CD47: variants seen among roughly 807,000 people sequenced by gnomAD.
CD47 encodes leukocyte surface antigen CD47.
Under a neutral mutation model 44.6 loss-of-function variants are expected in CD47, and 11 were observed. The observed-to-expected ratio is 0.25, with a 90% CI of 0.16 to 0.41. The LOEUF is 0.41. CD47 is among the 10% of genes least tolerant of loss of function. The pLI, the probability that CD47 is intolerant of heterozygous loss-of-function variation, is 1.00. For missense variants in CD47, 306 were observed against 386.7 expected, an observed-to-expected ratio of 0.79 and a Z score of 1.75; for synonymous variants, 140 against 136.3, an observed-to-expected ratio of 1.03 and a Z score of -0.19.
chr3:108,087,746 G>A (rs1427934117), intron 1 of CD47, among the ~76,000 whole-genome samples: 1 of 152,084 alleles, frequency 6.6e-6, no homozygotes, highest in Non-Finnish European at 1.5e-5. Flanking sequence ...CCATGAGATT[G>A]ACCAGATTCT....
At chr3:108,077,019 CA>C (rs2079322407) in intron 2 of CD47, among the ~76,000 whole-genome samples, 2 of 152,104 alleles carry the variant, frequency 1.3e-5, no homozygotes, top group South Asian at 4.1e-4. Flanking sequence ...TGGACTATAT[CA>C]TACATAGGCA....
chr3:108,074,898 G>C (rs2079281372), intron 2 of CD47, among the ~76,000 whole-genome samples: 1 of 151,898 alleles, frequency 6.6e-6, no homozygotes, highest in South Asian at 2.1e-4. Context: ...TGAGATGCTG[G>C]GGGAAAAAAA....
At chr3:108,062,642 CTT>C (rs774152967) in intron 3 of CD47, among the ~76,000 whole-genome samples, 35 of 138,036 alleles carry the variant, frequency 2.5e-4, no homozygotes, top group Admixed American at 3.6e-4. Flanking sequence ...TTTTTCTTTT[CTT>C]TTTTTTTTTT....
intron 10 of CD47, among the ~76,000 whole-genome samples, chr3:108,049,229 A>G (rs1171500044): frequency 6.6e-6 from 1 of 152,092 alleles, no homozygotes; most frequent in Non-Finnish European, 1.5e-5. Context: ...CATGGGTTAA[A>G]TGCAACAAAA....
chr3:108,065,987 C>CT (rs2079100690), intron 3 of CD47, among the ~76,000 whole-genome samples: 1 of 152,018 alleles, frequency 6.6e-6, no homozygotes, highest in Non-Finnish European at 1.5e-5. Flanking sequence ...TATGTCTTCA[C>CT]TTTTTCAGAA....
At chr3:108,090,799 A>G (rs1200640727) in intron 1 of CD47, 64 bp downstream of exon 1, 11 of 1,393,778 alleles carry the variant, frequency 7.9e-6, no homozygotes, top group Non-Finnish European at 1.0e-5. Flanking sequence ...GCTGGGGCGC[A>G]GCCCACACGC....
intron 4 of CD47, 82 bp downstream of exon 4, chr3:108,060,663 C>T: frequency 1.1e-6 from 1 of 885,882 alleles, no homozygotes; most frequent in Non-Finnish European, 1.9e-6. Flanking sequence ...TCCAACAGCC[C>T]TAGGAAACTA....
Position 108,059,481 on chromosome 3 carries a change from A to G in CD47, c.662T>C (p.Ile221Thr). ...GLIVTSTGIL[I>T]LLHYYVFSTA... is the part of the protein sequence containing the mutation. The stretch of plus-strand genomic sequence containing the variant: ...ACTAAACACATAGTAGTGAAGTAAT[A>G]TTAATATCCCTGTAGAAGTCACAAT... Residue 221 changes from isoleucine to threonine, a missense_variant, in exon 5 of 11, where the codon ATA becomes ACA. This residue lies in a region of CD47 where 131 missense variants were observed against 135.3 expected (regional missense o/e 0.97). Coordinates refer to ENST00000361309, the MANE Select transcript of CD47 (RefSeq NM_001777.4). 6.6e-7 allele frequency: 1 copy of G among 1,522,616 alleles called. No individual in the cohort carries two copies. The highest frequency in any genetic ancestry group is 8.9e-7 in the Non-Finnish European group (1 of 1,124,616). 94.3% of individuals were successfully genotyped at this position (1,522,616 alleles called of 1,614,324 possible).
chr3:108,076,498 C>T (rs755205827), intron 2 of CD47, among the ~76,000 whole-genome samples: 2 of 152,130 alleles, frequency 1.3e-5, no homozygotes, highest in Non-Finnish European at 2.9e-5. Context: ...CCACATATTA[C>T]GGTGGTAAAA....
In CD47 at chr3:108,090,712, C is replaced by T. The variant is rs554318636; in HGVS notation, c.46+151G>A. 463 of 557,946 alleles carry T rather than the reference C, an allele frequency of 8.3e-4. 3 individuals carry two copies. The African/African-American group carries it at 8.4e-3, about 10-fold the overall frequency. 34.6% of individuals were successfully genotyped at this position (557,946 alleles called of 1,614,324 possible). On this transcript the variant is annotated intron_variant, in intron 1 of 10. Transcript: ENST00000361309. ...GGCGCCCGATTCCCCGTGGGGCCCTCCCACGTCTGCACTTCGGGCGCTCAG... is the reference window on the plus strand; with the variant it reads ...GGCGCCCGATTCCCCGTGGGGCCCTTCCACGTCTGCACTTCGGGCGCTCAG...
intron 3 of CD47, among the ~76,000 whole-genome samples, chr3:108,069,215 G>A (rs1356383226): frequency 1.3e-5 from 2 of 152,022 alleles, no homozygotes; most frequent in African/African-American, 4.8e-5. Context: ...CATATCTTTA[G>A]CAGAGTTATT....
intron 2 of CD47, among the ~76,000 whole-genome samples, chr3:108,072,468 T>C (rs1366146942): frequency 2.0e-5 from 3 of 152,238 alleles, no homozygotes; most frequent in Non-Finnish European, 4.4e-5. Context: ...TATTAGCTTT[T>C]CAGAATCTAG....
At chr3:108,089,053 C>T (rs2079577314) in intron 1 of CD47, among the ~76,000 whole-genome samples, 1 of 152,200 alleles carries the variant, frequency 6.6e-6, no homozygotes, top group African/African-American at 2.4e-5. Context: ...CTCTCAAACC[C>T]TTGGTTTATA....
intron 5 of CD47, 97 bp downstream of exon 5, chr3:108,059,355 T>C (rs1290088930): frequency 2.7e-5 from 15 of 553,248 alleles, no homozygotes; most frequent in Non-Finnish European, 4.5e-5. Flanking sequence ...CCTACTCTTA[T>C]TGAGTTGTAA....
At chr3:108,067,897 C>G (rs12494095) in intron 3 of CD47, among the ~76,000 whole-genome samples, 14,926 of 152,126 alleles carry the variant, frequency 0.098, 1,480 homozygotes, top group East Asian at 0.55. Flanking sequence ...TATAAAGAAA[C>G]TCTTTCTCCT....
chr3:108,086,296 G>A (rs1317142021), intron 1 of CD47, among the ~76,000 whole-genome samples: 1 of 151,904 alleles, frequency 6.6e-6, no homozygotes, highest in Non-Finnish European at 1.5e-5. Flanking sequence ...AAGGACTGAG[G>A]GCAGCAAGGG....
At chr3:108,086,569 ATGTT>A (rs753762138) in intron 1 of CD47, among the ~76,000 whole-genome samples, 1 of 152,192 alleles carries the variant, frequency 6.6e-6, no homozygotes, top group South Asian at 2.1e-4. Flanking sequence ...GATGCACACT[ATGTT>A]TGAGAAATGA....
intron 2 of CD47, among the ~76,000 whole-genome samples, chr3:108,071,653 G>A (rs934089099): frequency 6.6e-6 from 1 of 152,010 alleles, no homozygotes; most frequent in Non-Finnish European, 1.5e-5. Flanking sequence ...ACATGCAAAG[G>A]GCTTAAAACA....
At chr3:108,090,583 CTG>C (rs1046631841) in intron 1 of CD47, among the ~76,000 whole-genome samples, 42 of 152,056 alleles carry the variant, frequency 2.8e-4, no homozygotes, top group Admixed American at 1.4e-3. Flanking sequence ...TGGAGTCTTC[CTG>C]TGTGTGTGCA....
Sources: gnomAD v4.1 joint callset for allele counts (sites outside exome capture counted in the v4.1 genomes callset) on GRCh38, gnomAD v4.1.1 for gene constraint, gnomAD v4.1.1 regional missense constraint, MANE v1.5 for transcripts, NCBI Gene and HGNC (gene_info 2026-07-23, HGNC 2026-07-21) for gene names.